CRYBG3: variants seen among roughly 807,000 people sequenced by gnomAD.
CRYBG3 encodes very large A-kinase anchor protein.
A neutral mutation model predicts 244.2 loss-of-function variants in CRYBG3; 127 were observed. The observed-to-expected ratio is 0.52, with a 90% CI of 0.45 to 0.60. The LOEUF (loss-of-function observed/expected upper bound fraction) is 0.60. Ranked by LOEUF, CRYBG3 falls within the 20% of genes least tolerant of loss-of-function variation. The probability of loss-of-function intolerance (pLI) is 0.00; values close to 1 mark genes in which losing one functional copy is unlikely to be tolerated. For missense variants in CRYBG3, 3,325 were observed against 3,442.5 expected (o/e 0.97, Z 0.85); for synonymous variants, 1,132 against 1,195.8 (o/e 0.95, Z 1.10).
At position 97,867,785 on chromosome 3, in the gene CRYBG3, T is replaced by C. The variant is rs1488052673; in HGVS notation, c.647+3138T>C. Among the ~76,000 whole-genome samples the C allele has an allele frequency of 2.6e-5, 4 of 152,208 alleles. No individual in the cohort carries two copies. The East Asian group carries it at 5.8e-4, about 22-fold the overall frequency. ...TTAGCTTGTGAAAATTCAAATGATA[T>C]AGAATAAAAATGTGATGGTAACTTC... On this transcript the variant is annotated intron_variant, in intron 3 of 21. Coordinates refer to ENST00000389622, the MANE Select transcript of CRYBG3 (RefSeq NM_153605.4).
intron 17 of CRYBG3, among the ~76,000 whole-genome samples, chr3:97,929,589 G>C (rs2040076196): frequency 6.6e-6 from 1 of 151,966 alleles, no homozygotes; most frequent in African/African-American, 2.4e-5. Context: ...TTCAAAAACA[G>C]TAGATGTTCT....
At chr3:97,871,010 A>G (rs1324072871) in intron 3 of CRYBG3, among the ~76,000 whole-genome samples, 1 of 152,182 alleles carries the variant, frequency 6.6e-6, no homozygotes, top group East Asian at 1.9e-4. Flanking sequence ...CTTAGAGGGC[A>G]TTAGAGTTTC....
chr3:97,842,907 A>G (rs1003998662), intron 1 of CRYBG3, among the ~76,000 whole-genome samples: 1 of 152,208 alleles, frequency 6.6e-6, no homozygotes, highest in Admixed American at 6.5e-5. Context: ...TGAAAGTAAT[A>G]CACAGGTGCT....
intron 3 of CRYBG3, among the ~76,000 whole-genome samples, chr3:97,869,622 T>C (rs1239829931): frequency 6.6e-6 from 1 of 152,170 alleles, no homozygotes; most frequent in Non-Finnish European, 1.5e-5. Flanking sequence ...TGTCAAATAA[T>C]GGTATCTTAT....
Position 97,864,507 on chromosome 3 carries a change from GGA to G in CRYBG3, c.516_517del (p.Glu172AspfsTer19), listed in dbSNP as rs759331325. On this transcript the variant is annotated frameshift_variant, in exon 3 of 22. Coordinates refer to ENST00000389622, the MANE Select transcript of CRYBG3 (RefSeq NM_153605.4). LOFTEE classifies it high-confidence loss of function. The stretch of plus-strand genomic sequence containing the variant: ...ACCATCATGAAGACGGGATCAAAAG[GGA>G]GAGAGAGATTTTCAGTGGCTCCCTA... ...SDHHEDGIKR[E>X]REIFSGSLRT... 3.6e-5 allele frequency: 55 copies of G among 1,535,748 alleles called. No individual in the cohort carries two copies. The highest frequency in any genetic ancestry group is 4.4e-5 in the Non-Finnish European group (51 of 1,146,806).
At chr3:97,933,942 G>A (rs1472229207) in intron 18 of CRYBG3, 109 bp downstream of exon 18, 1 of 824,144 alleles carries the variant, frequency 1.2e-6, no homozygotes, top group African/African-American at 1.7e-5. Context: ...GTGGTCTTGA[G>A]GAAGAGCCCT....
intron 7 of CRYBG3, among the ~76,000 whole-genome samples, chr3:97,881,702 T>A (rs2108224601): frequency 6.6e-6 from 1 of 150,414 alleles, no homozygotes; most frequent in Admixed American, 6.6e-5. Flanking sequence ...GGCGACAGAG[T>A]GAGATTCAGT....
intron 10 of CRYBG3, among the ~76,000 whole-genome samples, chr3:97,891,623 A>G (rs1312637500): frequency 6.6e-6 from 1 of 152,128 alleles, no homozygotes; most frequent in South Asian, 2.1e-4. Flanking sequence ...CAAATTAACT[A>G]TGTCAATGCA....
intron 7 of CRYBG3, among the ~76,000 whole-genome samples, chr3:97,883,488 C>A (rs991875358): frequency 3.3e-5 from 5 of 152,152 alleles, no homozygotes; most frequent in South Asian, 2.1e-4. Flanking sequence ...CTCACCCCCC[C>A]CACCAAAATC....
In CRYBG3 at chr3:97,822,222, A is replaced by G; in HGVS notation, c.16A>G (p.Arg6Gly). 6.6e-7 allele frequency: 1 copy of G among 1,524,482 alleles called. No individual in the cohort carries two copies. 94.4% of individuals were successfully genotyped at this position (1,524,482 alleles called of 1,614,324 possible). A position where few individuals can be genotyped will look rare whatever the true frequency, so the allele number is the denominator to read the frequency against. The change falls in exon 1 of 22, where the codon AGA becomes GGA. Residue 6 changes from arginine (R) to glycine (G), a missense_variant. Arg to Gly is a moderately radical substitution (Grantham distance 125). This residue lies in a region of CRYBG3 where 1,526 missense variants were observed against 1,443.2 expected (regional missense o/e 1.06). Coordinates refer to ENST00000389622, the MANE Select transcript of CRYBG3 (RefSeq NM_153605.4). ...CCCTCGGGAAATGTCCAGCGGCCGC[A>G]GAAGGGGCAGCGCCCCCTGGCACAG... is the stretch of plus-strand genomic sequence containing the variant. MSSGR[R>G]RGSAPWHSFS...
chr3:97,873,657 G>A lies in CRYBG3; in HGVS notation c.2463G>A (p.Gln821=), dbSNP rs2039332975. Residue 821 remains glutamine, a synonymous_variant, in exon 4 of 22, where the codon CAG becomes CAA. Transcript: ENST00000389622. Reference sequence around the variant, plus strand: ...TATCAAAAGCTGAAATTGATGGTCAGAACAATGTTCTTGTGGAGTCACATT... The same window carrying A: ...TATCAAAAGCTGAAATTGATGGTCAAAACAATGTTCTTGTGGAGTCACATT... The part of the protein sequence containing the change: ...NIVSKAEIDG[Q]NNVLVESHSG... 6.5e-7 allele frequency: 1 copy of A among 1,535,364 alleles called. No homozygotes were observed. Among genetic ancestry groups the A allele is most frequent in the Non-Finnish European group, 8.7e-7 (1 of 1,146,724 alleles).
At chr3:97,938,843 GGATACT>G (rs2040194949) in intron 19 of CRYBG3, among the ~76,000 whole-genome samples, 1 of 151,676 alleles carries the variant, frequency 6.6e-6, no homozygotes, top group Non-Finnish European at 1.5e-5. Flanking sequence ...CTCTTTTGAG[GGATACT>G]GAAACATTAA....
intron 7 of CRYBG3, among the ~76,000 whole-genome samples, chr3:97,881,728 T>G (rs2039450660): frequency 6.6e-6 from 1 of 151,490 alleles, no homozygotes; most frequent in African/African-American, 2.4e-5. Context: ...AAAGTAATAA[T>G]AAATAAACAT....
At chr3:97,860,672 C>T in intron 2 of CRYBG3, among the ~76,000 whole-genome samples, 1 of 152,078 alleles carries the variant, frequency 6.6e-6, no homozygotes. Context: ...TGGCATTTGG[C>T]ATTCTTGACT....
intron 4 of CRYBG3, 143 bp from the exon 5 acceptor site, chr3:97,879,561 A>G: frequency 6.8e-6 from 4 of 584,484 alleles, no homozygotes; most frequent in Non-Finnish European, 9.1e-6. Flanking sequence ...TATTTATATC[A>G]CTTGTATCGA....
At chr3:97,899,047 CCTTGAGAGT>C (rs1401789662) in intron 13 of CRYBG3, 22 bp downstream of exon 13, 2 of 1,603,890 alleles carry the variant, frequency 1.2e-6, no homozygotes, top group Non-Finnish European at 1.7e-6. Context: ...CCTCTAAGAA[CCTTGAGAGT>C]CTTTGGTGTT....
At chr3:97,893,598 C>T (rs1026245200) in intron 11 of CRYBG3, among the ~76,000 whole-genome samples, 1 of 152,304 alleles carries the variant, frequency 6.6e-6, no homozygotes, top group African/African-American at 2.4e-5. Context: ...ATATTCGTAT[C>T]CTGGTAGGTG....
At chr3:97,925,152 G>A (rs931923069) in intron 17 of CRYBG3, among the ~76,000 whole-genome samples, 3 of 151,898 alleles carry the variant, frequency 2.0e-5, no homozygotes, top group African/African-American at 7.3e-5. Flanking sequence ...AATTAGAAGA[G>A]CTCTTTCAAA....
intron 2 of CRYBG3, among the ~76,000 whole-genome samples, chr3:97,860,435 A>G (rs1024485306): frequency 1.8e-4 from 27 of 152,268 alleles, no homozygotes; most frequent in Admixed American, 5.9e-4. Flanking sequence ...GCAGTTTTAC[A>G]GTGGAGGGGT....
Sources: gnomAD v4.1 joint callset for allele counts (sites outside exome capture counted in the v4.1 genomes callset) on GRCh38, gnomAD v4.1.1 for gene constraint, gnomAD v4.1.1 regional missense constraint, MANE v1.5 for transcripts, NCBI Gene and HGNC (gene_info 2026-07-23, HGNC 2026-07-21) for gene names.